The following BMPER variants were observed in gnomAD, a reference collection of about 807,000 sequenced individuals.
The protein encoded by BMPER is BMP-binding endothelial regulator protein.
In BMPER, 45 loss-of-function variants were observed where a neutral mutation model predicts 87.3. The observed-to-expected ratio is 0.52, with a 90% CI of 0.41 to 0.66. The LOEUF (loss-of-function observed/expected upper bound fraction) is 0.66, where lower values mean the gene tolerates loss of function less well. BMPER is among the 30% of genes least tolerant of loss of function. BMPER has a pLI of 0.00. For missense variants in BMPER, 784 were observed against 867.5 expected (o/e 0.90, Z 1.21); for synonymous variants, 326 against 316.2 (o/e 1.03, Z -0.33).
chr7:34,056,520 G>A (rs1788288732), intron 9 of BMPER, among the ~76,000 whole-genome samples: 1 of 151,936 alleles, frequency 6.6e-6, no homozygotes, highest in Non-Finnish European at 1.5e-5. Context: ...ATGCTCATAT[G>A]TCCTCTTGAT....
intron 4 of BMPER, among the ~76,000 whole-genome samples, chr7:33,967,963 A>G (rs1213178244): frequency 6.6e-6 from 1 of 152,160 alleles, no homozygotes; most frequent in Non-Finnish European, 1.5e-5. Context: ...AGTAGAAGCT[A>G]TTATATGGGA....
chr7:34,011,583 C>CAAAAA (rs36022297), intron 6 of BMPER, among the ~76,000 whole-genome samples: 13 of 45,736 alleles, frequency 2.8e-4, no homozygotes, highest in East Asian at 7.6e-4. Context: ...TTGGTCAGGG[C>CAAAAA]AAAAAAAAAA....
At chr7:34,100,402 G>A (rs1789648887) in intron 13 of BMPER, among the ~76,000 whole-genome samples, 2 of 152,150 alleles carry the variant, frequency 1.3e-5, no homozygotes, top group Admixed American at 6.5e-5. Flanking sequence ...AAAAGGATGG[G>A]TAGGAGGCAG....
chr7:34,094,784 A>G (rs927727668), intron 13 of BMPER, among the ~76,000 whole-genome samples: 4 of 152,198 alleles, frequency 2.6e-5, no homozygotes, highest in Non-Finnish European at 4.4e-5. Flanking sequence ...GTCATTCCAG[A>G]TAAGGCACGT....
chr7:34,079,051 C>T lies in BMPER; in HGVS notation c.1273C>T (p.Leu425=), dbSNP rs1447318439. The T allele has an allele frequency of 1.2e-6, 2 of 1,614,212 alleles. No individual in the cohort carries two copies. The highest frequency in any genetic ancestry group is 2.2e-5 in the East Asian group (1 of 44,874). ...GTGGACCAAGTCGGTGGAGCTGGTG[C>T]TGGGCGAGAGCAGGGTCAGCCTGCA... ...FSWTKSVELV[L]GESRVSLQQH... The change falls in exon 12 of 15, where the codon CTG becomes TTG. Residue 425 remains leucine, a synonymous_variant. Coordinates refer to ENST00000649409, the MANE Select transcript of BMPER (RefSeq NM_001365308.1).
Position 34,056,237 on chromosome 7 carries a change from G to C in BMPER, c.927+934G>C, listed in dbSNP as rs1028918409. On this transcript the variant is annotated intron_variant, in intron 9 of 14. Transcript: ENST00000649409. ...GAACAACACACACTAGGGCCTGTTG[G>C]GGGGTAGGGTGGAGGGAGGGAGAGT... Among the ~76,000 whole-genome samples, 7 of 152,264 alleles carry C rather than the reference G, an allele frequency of 4.6e-5. No individual in the cohort carries two copies. In the East Asian group the frequency reaches 9.7e-4, roughly 21 times the overall value.
intron 2 of BMPER, among the ~76,000 whole-genome samples, chr7:33,914,062 C>T (rs1017417475): frequency 4.0e-5 from 6 of 151,352 alleles, no homozygotes; most frequent in Admixed American, 6.6e-5. Context: ...CCCGGGTTCG[C>T]GCCATTCTCC....
At position 34,078,321 on chromosome 7, in the gene BMPER, G is replaced by A. The variant is rs543584244; in HGVS notation, c.1079-536G>A. On this transcript the variant is annotated intron_variant, in intron 11 of 14. Transcript: ENST00000649409. ...TCCTGATACTATTAAACTCGTGTCT[G>A]TTTGGCAGTTCTATTGATTTATCCT... Among the ~76,000 whole-genome samples, 3 of 152,264 alleles carry A rather than the reference G, an allele frequency of 2.0e-5. No individual in the cohort carries two copies. In the East Asian group the frequency reaches 5.8e-4, roughly 29 times the overall value.
At chr7:33,996,892 G>T (rs2127931993) in intron 6 of BMPER, among the ~76,000 whole-genome samples, 1 of 152,144 alleles carries the variant, frequency 6.6e-6, no homozygotes, top group South Asian at 2.1e-4. Flanking sequence ...TTAAATTCCA[G>T]TGTGTATTTC....
At chr7:34,117,906 T>C (rs2127988235) in intron 13 of BMPER, among the ~76,000 whole-genome samples, 1 of 152,350 alleles carries the variant, frequency 6.6e-6, no homozygotes, top group Non-Finnish European at 1.5e-5. Context: ...GATTTAAGCA[T>C]AAACCTCTGA....
intron 11 of BMPER, among the ~76,000 whole-genome samples, chr7:34,068,734 T>G (rs1788660509): frequency 6.6e-6 from 1 of 152,228 alleles, no homozygotes; most frequent in African/African-American, 2.4e-5. Context: ...TGTATATAAT[T>G]TCCACCAGGA....
chr7:34,125,398 C>G (rs1367644437), intron 13 of BMPER, among the ~76,000 whole-genome samples: 1 of 152,168 alleles, frequency 6.6e-6, no homozygotes, highest in African/African-American at 2.4e-5. Flanking sequence ...TGATCATTCC[C>G]TTTCCTGCTG....
chr7:34,084,186 A>G (rs570592078), intron 12 of BMPER, among the ~76,000 whole-genome samples: 179 of 152,272 alleles, frequency 1.2e-3, no homozygotes, highest in African/African-American at 3.9e-3. Context: ...TTGTAGTCCC[A>G]GCTACTCGGG....
intron 2 of BMPER, among the ~76,000 whole-genome samples, chr7:33,918,496 C>G (rs1053542915): frequency 6.6e-6 from 1 of 152,228 alleles, no homozygotes; most frequent in Non-Finnish European, 1.5e-5. Context: ...GAGACACTCA[C>G]AGCCTGCTGG....
At chr7:34,126,868 T>TA (rs375885911) in intron 13 of BMPER, among the ~76,000 whole-genome samples, 5 of 152,128 alleles carry the variant, frequency 3.3e-5, no homozygotes, top group African/African-American at 1.2e-4. Context: ...TTCTCTTTTT[T>TA]AAAAAAAATG....
At chr7:34,058,238 T>A (rs1445869942) in intron 10 of BMPER, 75 bp downstream of exon 10, 1 of 1,370,360 alleles carries the variant, frequency 7.3e-7, no homozygotes, top group African/African-American at 1.4e-5. Context: ...TCGCATGCCA[T>A]CTTCCGAACA....
chr7:34,082,076 G>A (rs1257810898), intron 12 of BMPER, among the ~76,000 whole-genome samples: 1 of 152,180 alleles, frequency 6.6e-6, no homozygotes, highest in African/African-American at 2.4e-5. Context: ...GGGAAAATTG[G>A]AAGGCCCTTC....
chr7:34,117,552 T>C (rs1217107694), intron 13 of BMPER, among the ~76,000 whole-genome samples: 4 of 152,230 alleles, frequency 2.6e-5, no homozygotes, highest in Non-Finnish European at 5.9e-5. Context: ...AAAACCATTA[T>C]GCTCTCAACC....
intron 2 of BMPER, among the ~76,000 whole-genome samples, chr7:33,912,863 C>G (rs1417417039): frequency 6.6e-6 from 1 of 152,192 alleles, no homozygotes; most frequent in African/African-American, 2.4e-5. Context: ...CTAGGGATAG[C>G]AGGTTATAAA....
Sources: gnomAD v4.1 joint callset for allele counts (sites outside exome capture counted in the v4.1 genomes callset) on GRCh38, gnomAD v4.1.1 for gene constraint, MANE v1.5 for transcripts, NCBI Gene and HGNC (gene_info 2026-07-23, HGNC 2026-07-21) for gene names.